The following TNNI3K variants were observed in gnomAD, a reference collection of about 807,000 sequenced individuals.
TNNI3K encodes the protein TNNI3 interacting kinase.
In TNNI3K, 140 loss-of-function variants were observed where a neutral mutation model predicts 114.5. The observed-to-expected ratio is 1.22, with a 90% CI of 1.07 to 1.41. The LOEUF (loss-of-function observed/expected upper bound fraction) is 1.41. Among genes scored for constraint, TNNI3K ranks in the 40% most tolerant of loss-of-function variants. TNNI3K has a pLI of 0.00. For synonymous variants in TNNI3K, 347 were observed against 347.5 expected (o/e 1.00, Z 0.02); for missense variants, 1,125 against 1,007.6 (o/e 1.12, Z -1.58).
intron 5 of TNNI3K, among the ~76,000 whole-genome samples, chr1:74,307,835 T>C (rs890335705): frequency 3.3e-5 from 5 of 151,998 alleles, no homozygotes; most frequent in African/African-American, 1.2e-4. Context: ...TGGTAGCACA[T>C]GCCTGTAATC....
chr1:74,266,255 A>C (rs1176942043), intron 4 of TNNI3K, among the ~76,000 whole-genome samples: 1 of 152,042 alleles, frequency 6.6e-6, no homozygotes, highest in African/African-American at 2.4e-5. Context: ...GGCTGGACTT[A>C]GCTAGAACAG....
intron 4 of TNNI3K, among the ~76,000 whole-genome samples, chr1:74,251,404 A>G (rs2100849200): frequency 1.5e-5 from 1 of 68,578 alleles, no homozygotes; most frequent in Middle Eastern, 8.9e-3. Flanking sequence ...TATAATTATA[A>G]TAACAATTTC....
chr1:74,544,003 A>G lies in TNNI3K; in HGVS notation c.*21A>G, dbSNP rs757523141. ...GCTGACAGCATTCGGCGTATACCTA[A>G]GGAGAGTTTTTTCCCCGAACTGACA... is the stretch of plus-strand genomic sequence containing the variant. On this transcript the variant is annotated 3_prime_UTR_variant, in exon 25 of 25. Coordinates refer to ENST00000326637, the MANE Select transcript of TNNI3K (RefSeq NM_015978.3). The G allele has an allele frequency of 1.2e-6, 2 of 1,604,042 alleles. No homozygotes were observed. The highest frequency in any genetic ancestry group is 1.7e-6 in the Non-Finnish European group (2 of 1,176,348).
intron 20 of TNNI3K, among the ~76,000 whole-genome samples, chr1:74,459,757 A>G (rs1416393134): frequency 6.6e-6 from 1 of 152,222 alleles, no homozygotes; most frequent in Admixed American, 6.5e-5. Flanking sequence ...TTGAGAAACA[A>G]CATACACAAT....
intron 2 of TNNI3K, chr1:74,239,816 A>G (rs547348623): frequency 5.1e-6 from 2 of 395,776 alleles, no homozygotes; most frequent in African/African-American, 4.2e-5. Flanking sequence ...GAAAGAGCTA[A>G]ATAGTTATCC....
chr1:74,490,121 C>A (rs1284584127), intron 22 of TNNI3K, among the ~76,000 whole-genome samples: 1 of 148,542 alleles, frequency 6.7e-6, no homozygotes, highest in Admixed American at 6.7e-5. Context: ...AAAGGATTTG[C>A]AGTTACAGCC....
At chr1:74,274,656 A>G (rs1656561144) in intron 5 of TNNI3K, among the ~76,000 whole-genome samples, 1 of 152,070 alleles carries the variant, frequency 6.6e-6, no homozygotes. Flanking sequence ...AAGGAGTAGG[A>G]TGGATGAGAG....
At chr1:74,473,587 A>G (rs184401913) in intron 21 of TNNI3K, among the ~76,000 whole-genome samples, 4 of 150,880 alleles carry the variant, frequency 2.7e-5, no homozygotes, top group Non-Finnish European at 4.4e-5. Context: ...ATTAACTTTT[A>G]GTAGACAGGA....
At chr1:74,505,062 A>C (rs572402464) in intron 23 of TNNI3K, among the ~76,000 whole-genome samples, 1 of 152,206 alleles carries the variant, frequency 6.6e-6, no homozygotes, top group Non-Finnish European at 1.5e-5. Context: ...TGAGGTTTTC[A>C]TTCCTGAAAA....
intron 5 of TNNI3K, among the ~76,000 whole-genome samples, chr1:74,306,008 C>T (rs754074116): frequency 6.6e-6 from 1 of 152,134 alleles, no homozygotes; most frequent in Non-Finnish European, 1.5e-5. Flanking sequence ...CCATTGTTCA[C>T]CTCCCTTATT....
At chr1:74,433,006 T>C (rs1665966702) in intron 17 of TNNI3K, among the ~76,000 whole-genome samples, 1 of 151,956 alleles carries the variant, frequency 6.6e-6, no homozygotes, top group Non-Finnish European at 1.5e-5. Flanking sequence ...AATGGAAAAA[T>C]GTTGAAAACA....
intron 21 of TNNI3K, among the ~76,000 whole-genome samples, chr1:74,474,823 G>A (rs1348299893): frequency 2.0e-5 from 3 of 151,956 alleles, no homozygotes; most frequent in East Asian, 3.9e-4. Context: ...AGCAAAGTAC[G>A]TTTCTTGACA....
At chr1:74,243,215 T>C (rs1654356180) in intron 2 of TNNI3K, among the ~76,000 whole-genome samples, 1 of 152,236 alleles carries the variant, frequency 6.6e-6, no homozygotes, top group East Asian at 1.9e-4. Context: ...TAAATGAATA[T>C]ACTTCACAGT....
intron 5 of TNNI3K, among the ~76,000 whole-genome samples, chr1:74,300,033 T>A (rs997863214): frequency 6.6e-6 from 1 of 152,222 alleles, no homozygotes; most frequent in African/African-American, 2.4e-5. Context: ...TAGAATCCTA[T>A]ATATTTGCGT....
chr1:74,480,687 C>T, intron 21 of TNNI3K: 1 of 717,346 alleles, frequency 1.4e-6, no homozygotes, highest in Admixed American at 2.0e-5. Context: ...AACCAAGACC[C>T]TCGTAGGGTG....
chr1:74,447,988 T>C (rs2100689794), intron 20 of TNNI3K, among the ~76,000 whole-genome samples: 2 of 24,948 alleles, frequency 8.0e-5, no homozygotes, highest in Middle Eastern at 0.016. Context: ...GAAACCATCA[T>C]TCTCAGTAAA....
chr1:74,459,962 G>T (rs893907312), intron 20 of TNNI3K, among the ~76,000 whole-genome samples: 61 of 152,002 alleles, frequency 4.0e-4, no homozygotes, highest in African/African-American at 1.4e-3. Context: ...CACTTACCAT[G>T]ACTATTTAAA....
intron 2 of TNNI3K, among the ~76,000 whole-genome samples, chr1:74,237,807 G>C (rs1002461110): frequency 6.6e-6 from 1 of 151,990 alleles, no homozygotes; most frequent in Non-Finnish European, 1.5e-5. Flanking sequence ...TTCAAGTGTT[G>C]TTCTGGATAC....
chr1:74,450,488 G>A (rs1261942593), intron 20 of TNNI3K, among the ~76,000 whole-genome samples: 1 of 151,602 alleles, frequency 6.6e-6, no homozygotes, highest in African/African-American at 2.4e-5. Context: ...AATAGAAAAT[G>A]TTTATTATCT....
Sources: allele counts gnomAD v4.1 joint callset (sites outside exome capture counted in the v4.1 genomes callset), GRCh38; gene constraint gnomAD v4.1.1; transcripts MANE v1.5; gene names NCBI Gene and HGNC (gene_info 2026-07-23, HGNC 2026-07-21).